Variants in IFI44L observed in about 807,000 individuals in gnomAD.
The protein encoded by IFI44L is interferon-induced protein 44-like.
Under a neutral mutation model 39.3 loss-of-function variants are expected in IFI44L, and 40 were observed. The observed-to-expected ratio is 1.02, with a 90% CI of 0.79 to 1.33. The LOEUF (loss-of-function observed/expected upper bound fraction) is 1.33. Among genes scored for constraint, IFI44L ranks in the 40% most tolerant of loss-of-function variants. The probability of loss-of-function intolerance (pLI) is 0.00; values close to 1 mark genes in which losing one functional copy is unlikely to be tolerated. For synonymous variants in IFI44L, 198 were observed against 182.3 expected (o/e 1.09, Z -0.69); for missense variants, 623 against 549.0 (o/e 1.13, Z -1.35).
chr1:78,631,655 A>G (rs761727994), intron 4 of IFI44L: 2 of 152,188 alleles, frequency 1.3e-5, no homozygotes, highest in Non-Finnish European at 2.9e-5. Flanking sequence ...ATATCCTTGC[A>G]ATAAGATTGA....
chr1:78,625,460 A>G (rs1204965140), intron 1 of IFI44L, among the ~76,000 whole-genome samples: 1 of 152,112 alleles, frequency 6.6e-6, no homozygotes, highest in Admixed American at 6.6e-5. Context: ...ATCGTTTATC[A>G]TTTATTGCAT....
intron 1 of IFI44L, among the ~76,000 whole-genome samples, chr1:78,622,600 G>A (rs1158304573): frequency 1.3e-5 from 2 of 151,854 alleles, no homozygotes; most frequent in African/African-American, 4.8e-5. Context: ...GTGACTTAAC[G>A]GTAACAAATA....
intron 6 of IFI44L, among the ~76,000 whole-genome samples, chr1:78,639,418 A>G (rs899176922): frequency 6.6e-6 from 1 of 152,042 alleles, no homozygotes; most frequent in African/African-American, 2.4e-5. Flanking sequence ...CTGTCTTGCT[A>G]CACTGTCCTT....
intron 6 of IFI44L, among the ~76,000 whole-genome samples, chr1:78,637,465 G>A (rs1418817454): frequency 6.6e-6 from 1 of 152,024 alleles, no homozygotes; most frequent in African/African-American, 2.4e-5. Context: ...TAAAACCTAT[G>A]TGGGTAGACA....
At position 78,641,995 on chromosome 1, in the gene IFI44L, G is replaced by A. The variant is rs117498420; in HGVS notation, c.*186G>A. The A allele has an allele frequency of 1.2e-3, 805 of 654,696 alleles. 17 individuals are homozygous for A. In the East Asian group the frequency reaches 0.013, roughly 11 times the overall value. The allele number at this position is 654,696 out of a possible 1,614,324, so 40.6% of individuals were successfully genotyped here. The stretch of plus-strand genomic sequence containing the variant: ...GCGGTGGGCTAAGATAGGTCCTACT[G>A]CAAACCACCCCTCCATATTTCCGTA... On this transcript the variant is annotated 3_prime_UTR_variant, in exon 9 of 9. Coordinates refer to ENST00000370751, the MANE Select transcript of IFI44L (RefSeq NM_006820.4).
At chr1:78,629,060 G>A in intron 3 of IFI44L, 61 bp downstream of exon 3, 2 of 1,010,172 alleles carry the variant, frequency 2.0e-6, no homozygotes, top group South Asian at 2.6e-5. Context: ...TATAAAGAAT[G>A]CTGACAAATA....
rs879116002 is a variant in IFI44L, at chr1:78,645,591, A to G, written c.*3782A>G. The stretch of plus-strand genomic sequence containing the variant: ...AATCATCTCCTAGCAACATAACTCA[A>G]TCTAATGCTAAGGTACCCACAAGAT... On this transcript the variant is annotated 3_prime_UTR_variant, in exon 9 of 9. Transcript: ENST00000370751. 5 of 152,314 alleles carry G rather than the reference A, an allele frequency of 3.3e-5. No homozygotes were observed. Among genetic ancestry groups the G allele is most frequent in the Middle Eastern group, 3.4e-3 (1 of 294 alleles). The allele number at this position is 152,314 out of a possible 1,614,324, so 9.4% of individuals were successfully genotyped here. A position where few individuals can be genotyped will look rare whatever the true frequency, so the allele number is the denominator to read the frequency against.
At position 78,635,437 on chromosome 1, in the gene IFI44L, G is replaced by C. The variant is rs1162569429; in HGVS notation, c.824G>C (p.Cys275Ser). The part of the protein sequence containing the change: ...GLDGAEGAGL[C>S]MDDIPHILKG... Reference sequence around the variant, plus strand: ...GATGGGGCAGAAGGAGCAGGACTGTGCATGGATGACATTCCCCACATCTTA... The same window carrying C: ...GATGGGGCAGAAGGAGCAGGACTGTCCATGGATGACATTCCCCACATCTTA... Residue 275 changes from cysteine to serine, a missense_variant, in exon 5 of 9, where the codon TGC becomes TCC. By Grantham distance (112) the Cys-to-Ser change is moderately radical. Transcript: ENST00000370751. 1 of 1,613,534 alleles carries C rather than the reference G, an allele frequency of 6.2e-7. No individual in the cohort carries two copies.
At chr1:78,632,147 C>A (rs1309465228) in intron 4 of IFI44L, among the ~76,000 whole-genome samples, 1 of 152,106 alleles carries the variant, frequency 6.6e-6, no homozygotes, top group East Asian at 1.9e-4. Context: ...AATGTGACAT[C>A]ATTTTTACTG....
intron 3 of IFI44L, among the ~76,000 whole-genome samples, chr1:78,629,271 C>T (rs902242847): frequency 3.3e-5 from 5 of 152,144 alleles, no homozygotes; most frequent in African/African-American, 9.7e-5. Context: ...TTCTCTGAAT[C>T]CTTTCCTTGA....
At chr1:78,626,706 A>G (rs1652500005) in intron 1 of IFI44L, 2 of 151,804 alleles carry the variant, frequency 1.3e-5, no homozygotes, top group Admixed American at 1.3e-4. Context: ...TTTCAACAGC[A>G]TTTGGAGTAT....
intron 6 of IFI44L, among the ~76,000 whole-genome samples, chr1:78,637,496 A>G (rs1652994029): frequency 6.6e-6 from 1 of 152,082 alleles, no homozygotes; most frequent in Admixed American, 6.6e-5. Flanking sequence ...AAACCAGAAA[A>G]TTGATTATTG....
chr1:78,627,852 C>A, intron 1 of IFI44L, 54 bp from the exon 2 acceptor site: 3 of 994,002 alleles, frequency 3.0e-6, no homozygotes, highest in Non-Finnish European at 4.1e-6. Flanking sequence ...GAAACCTAAG[C>A]TATAAGCTAC....
chr1:78,620,478 C>G lies in IFI44L; in HGVS notation c.-104C>G, dbSNP rs273240. 0.04 allele frequency: 6,034 copies of G among 152,256 alleles called. 169 individuals carry two copies. The highest frequency in any genetic ancestry group is 0.1 in the East Asian group (529 of 5,172). The allele number at this position is 152,256 out of a possible 1,614,324, so 9.4% of individuals were successfully genotyped here. On this transcript the variant is annotated 5_prime_UTR_variant, in exon 1 of 9. Coordinates refer to ENST00000370751, the MANE Select transcript of IFI44L (RefSeq NM_006820.4). ...CTAGAGTCTCTGAAGCCACAGATCT[C>G]TTAAGAACTTTCTGTCTCCAAACCG...
In IFI44L at chr1:78,641,487, T is replaced by C; in HGVS notation, c.1202T>C (p.Val401Ala). 1.2e-6 allele frequency: 2 copies of C among 1,613,658 alleles called. No individual in the cohort carries two copies. The highest frequency in any genetic ancestry group is 1.7e-6 in the Non-Finnish European group (2 of 1,179,678). Residue 401 changes from valine (V) to alanine (A), a missense_variant, in exon 8 of 9, where the codon GTT (valine) becomes GCT (alanine). Physicochemically the swap from Val to Ala is moderately conservative, Grantham distance 64. Transcript: ENST00000370751. ...LGIPISNILM[V>A]GNYASDLELD... ...ATTCCTATTTCCAATATTTTGATGG[T>C]TGGAAATTATGCTTCAGATTTGGAA...
rs199785880 is a variant in IFI44L at position 78,643,652 on chromosome 1, G to GTTTTTTTTTTTTTTTTTTTTT, written c.*1858_*1859insTTTTTTTTTTTTTTTTTTTTT. The GTTTTTTTTTTTTTTTTTTTTT allele has an allele frequency of 1.0e-5, 1 of 95,908 alleles. No homozygotes were observed. Among genetic ancestry groups the GTTTTTTTTTTTTTTTTTTTTT allele is most frequent in the Non-Finnish European group, 2.5e-5 (1 of 39,260 alleles). 5.9% of individuals were successfully genotyped at this position (95,908 alleles called of 1,614,324 possible). ...TTTGTTTTGTTTTTTTTTTGTTGTT[G>GTTTTTTTTTTTTTTTTTTTTT]TTTTTTTTTTTTTTTGTTTTTTTGC... is the stretch of plus-strand genomic sequence containing the variant. On this transcript the variant is annotated 3_prime_UTR_variant, in exon 9 of 9. Coordinates refer to ENST00000370751, the MANE Select transcript of IFI44L (RefSeq NM_006820.4).
intron 6 of IFI44L, among the ~76,000 whole-genome samples, chr1:78,640,078 A>G (rs1334134153): frequency 2.6e-5 from 4 of 152,120 alleles, no homozygotes; most frequent in Non-Finnish European, 5.9e-5. Flanking sequence ...AGCTTATATA[A>G]GTACTTAACA....
intron 3 of IFI44L, among the ~76,000 whole-genome samples, chr1:78,629,371 A>T (rs983697496): frequency 6.6e-6 from 1 of 152,088 alleles, no homozygotes; most frequent in African/African-American, 2.4e-5. Flanking sequence ...TTTTATTTTG[A>T]TTTCTCCTTA....
chr1:78,623,567 A>G (rs1652367888), intron 1 of IFI44L, among the ~76,000 whole-genome samples: 1 of 152,098 alleles, frequency 6.6e-6, no homozygotes, highest in Non-Finnish European at 1.5e-5. Context: ...GAAATTTGTT[A>G]TGGGAGGTGG....
Sources: allele counts gnomAD v4.1 joint callset (sites outside exome capture counted in the v4.1 genomes callset), GRCh38; gene constraint gnomAD v4.1.1; transcripts MANE v1.5; gene names NCBI Gene and HGNC (gene_info 2026-07-23, HGNC 2026-07-21).